The following LRFN2 variants were observed in gnomAD, a reference collection of about 807,000 sequenced individuals.
The protein encoded by LRFN2 is leucine rich repeat and fibronectin type III domain containing 2, also known as leucine-rich repeat and fibronectin type-III domain-containing protein 2.
Under a neutral mutation model 37.3 loss-of-function variants are expected in LRFN2, and 18 were observed. That is an observed-to-expected ratio of 0.48 (90% CI 0.33 to 0.72). LRFN2 has a LOEUF of 0.72. Ranked by LOEUF, LRFN2 falls within the 30% of genes least tolerant of loss-of-function variation. The pLI is 0.02. For synonymous variants in LRFN2, 556 were observed against 466.6 expected (o/e 1.19, Z -2.47); for missense variants, 1,006 against 1,060.7 (o/e 0.95, Z 0.72).
At chr6:40,568,950 A>G (rs955323688) in intron 1 of LRFN2, among the ~76,000 whole-genome samples, 11 of 152,146 alleles carry the variant, frequency 7.2e-5, no homozygotes, top group African/African-American at 2.7e-4. Context: ...ACACGCAGAG[A>G]TCAGATGACT....
intron 1 of LRFN2, among the ~76,000 whole-genome samples, chr6:40,526,056 T>C (rs410672): frequency 0.65 from 99,297 of 152,186 alleles, 33,595 homozygotes; most frequent in African/African-American, 0.84. Context: ...AGTAGTGTTT[T>C]CTCGGCTATG....
intron 1 of LRFN2, among the ~76,000 whole-genome samples, chr6:40,531,610 C>T (rs895904516): frequency 1.3e-5 from 2 of 152,178 alleles, no homozygotes; most frequent in South Asian, 2.1e-4. Flanking sequence ...TGCCCCCTCC[C>T]TCCCTCTGCT....
chr6:40,581,230 A>G (rs1001507787), intron 1 of LRFN2, among the ~76,000 whole-genome samples: 17 of 152,214 alleles, frequency 1.1e-4, no homozygotes, highest in African/African-American at 3.9e-4. Context: ...CCAGCCAAGT[A>G]ACTTCCAGGG....
chr6:40,487,165 C>T (rs1316580290), intron 1 of LRFN2, among the ~76,000 whole-genome samples: 2 of 152,164 alleles, frequency 1.3e-5, no homozygotes, highest in Non-Finnish European at 2.9e-5. Context: ...TTCTGGGTCC[C>T]CTTCCTCTCA....
At chr6:40,438,626 T>A (rs1319329572) in intron 1 of LRFN2, among the ~76,000 whole-genome samples, 1 of 152,238 alleles carries the variant, frequency 6.6e-6, no homozygotes, top group African/African-American at 2.4e-5. Flanking sequence ...TCCATGTGCC[T>A]GGCGTACAGA....
intron 1 of LRFN2, among the ~76,000 whole-genome samples, chr6:40,521,963 G>A (rs76689403): frequency 0.031 from 4,677 of 152,280 alleles, 211 homozygotes; most frequent in African/African-American, 0.1. Context: ...GGTGGAATGG[G>A]CTGGCTGAAG....
Position 40,432,455 on chromosome 6 carries a change from C to T in LRFN2, c.659G>A (p.Arg220His), listed in dbSNP as rs140980612. The T allele has an allele frequency of 5.6e-5, 91 of 1,614,124 alleles. No individual in the cohort carries two copies. The highest frequency in any genetic ancestry group is 1.3e-4 in the South Asian group (12 of 91,074). ...QKLPPDPIFARSQASALTATP... is the reference protein window; with the variant it reads ...QKLPPDPIFAHSQASALTATP... Reference sequence around the variant, plus strand: ...GGCTGTCAAAGCCGAAGCCTGGGAGCGGGCAAAGATGGGATCAGGGGGCAG... The same window carrying T: ...GGCTGTCAAAGCCGAAGCCTGGGAGTGGGCAAAGATGGGATCAGGGGGCAG... Residue 220 changes from arginine to histidine, a missense_variant, in exon 2 of 3, where the codon CGC (arginine) becomes CAC (histidine). Physicochemically the swap from Arg to His is conservative, Grantham distance 29 (BLOSUM62 0). Around this residue, in one of 4 missense-constraint regions of LRFN2, gnomAD observed 303 missense variants for 299.8 expected, o/e 1.01. Coordinates refer to ENST00000338305, the MANE Select transcript of LRFN2 (RefSeq NM_020737.3).
At chr6:40,579,676 A>G (rs976136947) in intron 1 of LRFN2, among the ~76,000 whole-genome samples, 1 of 152,032 alleles carries the variant, frequency 6.6e-6, no homozygotes, top group Admixed American at 6.6e-5. Context: ...AATCAGCCAG[A>G]ACTTGGAACC....
intron 1 of LRFN2, among the ~76,000 whole-genome samples, chr6:40,530,050 C>T (rs1766318655): frequency 6.6e-6 from 1 of 152,182 alleles, no homozygotes; most frequent in South Asian, 2.1e-4. Flanking sequence ...GTAACACTCA[C>T]ACTTTAAGCA....
At chr6:40,488,808 G>A (rs1159672603) in intron 1 of LRFN2, among the ~76,000 whole-genome samples, 1 of 152,132 alleles carries the variant, frequency 6.6e-6, no homozygotes, top group Admixed American at 6.5e-5. Context: ...TTGAGGGCAG[G>A]TGCATTTCCC....
At chr6:40,465,541 G>T (rs1362973646) in intron 1 of LRFN2, among the ~76,000 whole-genome samples, 1 of 152,102 alleles carries the variant, frequency 6.6e-6, no homozygotes, top group Non-Finnish European at 1.5e-5. Flanking sequence ...CTTACTCTCA[G>T]ATCCTGACTT....
chr6:40,432,092 T>C lies in LRFN2; in HGVS notation c.1022A>G (p.Asn341Ser). The C allele has an allele frequency of 6.2e-7, 1 of 1,614,024 alleles. No homozygotes were observed. The highest frequency in any genetic ancestry group is 1.7e-5 in the Admixed American group (1 of 60,024). The change falls in exon 2 of 3, where the codon AAT becomes AGT. Residue 341 changes from asparagine to serine, a missense_variant. Physicochemically the swap from Asn to Ser is conservative, Grantham distance 46. Transcript: ENST00000338305. ...GGTGATGAAGATGTCCAGGGTGCCA[T>C]TGTCATAGACAGCGGTCCTTGAGGA... ...GNSSRTAVYDNGTLDIFITTS... is the reference protein window; with the variant it reads ...GNSSRTAVYDSGTLDIFITTS...
rs958110364 is a variant in LRFN2, at chr6:40,482,797, C to T, written c.-18-49666G>A. On this transcript the variant is annotated intron_variant, in intron 1 of 2. Coordinates refer to ENST00000338305, the MANE Select transcript of LRFN2 (RefSeq NM_020737.3). ...GCCAGGCCAGCTTTCTTTGGGATGG[C>T]TCAGGCTGGAGTGGAGGAGGACTTC... 2.0e-5 allele frequency among the ~76,000 whole-genome samples: 3 copies of T among 152,178 alleles called. 1 individual carries two copies. Among genetic ancestry groups the T allele is most frequent in the Admixed American group, 1.3e-4 (2 of 15,288 alleles).
intron 2 of LRFN2, among the ~76,000 whole-genome samples, chr6:40,404,109 C>T (rs1438100374): frequency 6.6e-6 from 1 of 152,168 alleles, no homozygotes; most frequent in Non-Finnish European, 1.5e-5. Context: ...TCCCAGATCA[C>T]GTTATCAACA....
chr6:40,525,279 G>A (rs994476814), intron 1 of LRFN2, among the ~76,000 whole-genome samples: 3 of 152,188 alleles, frequency 2.0e-5, no homozygotes, highest in African/African-American at 7.2e-5. Flanking sequence ...AGCAAGGGCG[G>A]CCCTGCTGCA....
At chr6:40,464,653 A>G (rs1365920255) in intron 1 of LRFN2, among the ~76,000 whole-genome samples, 2 of 152,338 alleles carry the variant, frequency 1.3e-5, no homozygotes, top group East Asian at 3.9e-4. Context: ...CACACCCCTC[A>G]ATGTCCACCA....
rs1763550093 is a variant in LRFN2, at chr6:40,433,033, G to A, written c.81C>T (p.Cys27=). The A allele has an allele frequency of 6.3e-7, 1 of 1,594,562 alleles. No individual in the cohort carries two copies. Among genetic ancestry groups the A allele is most frequent in the East Asian group, 2.2e-5 (1 of 44,702 alleles). Residue 27 remains cysteine, a synonymous_variant, in exon 2 of 3, where the codon TGC becomes TGT. Coordinates refer to ENST00000338305, the MANE Select transcript of LRFN2 (RefSeq NM_020737.3). Reference sequence around the variant, plus strand: ...TCCCCAGTGACTCAGACAGATTCTGGCAGACACAGTACTTGGGGCAGGCGT... The same window carrying A: ...TCCCCAGTGACTCAGACAGATTCTGACAGACACAGTACTTGGGGCAGGCGT... ...VVDACPKYCV[C]QNLSESLGTL... is the part of the protein sequence containing the mutation.
intron 1 of LRFN2, among the ~76,000 whole-genome samples, chr6:40,586,146 G>A (rs1034079263): frequency 7.9e-5 from 12 of 152,152 alleles, no homozygotes; most frequent in Non-Finnish European, 1.3e-4. Context: ...GGGAAGACGA[G>A]TAGGACACCT....
intron 1 of LRFN2, among the ~76,000 whole-genome samples, chr6:40,525,182 C>T (rs774606145): frequency 7.9e-5 from 12 of 152,166 alleles, no homozygotes; most frequent in Non-Finnish European, 1.3e-4. Context: ...GCTGGTGATT[C>T]CAGGAGGGGA....
Sources: allele counts gnomAD v4.1 joint callset (sites outside exome capture counted in the v4.1 genomes callset), GRCh38; gene constraint gnomAD v4.1.1; regional missense constraint gnomAD v4.1.1; transcripts MANE v1.5; gene names NCBI Gene and HGNC (gene_info 2026-07-23, HGNC 2026-07-21).